Variants in OSMR observed in about 807,000 individuals in gnomAD.
OSMR encodes oncostatin-M-specific receptor subunit beta.
Under a neutral mutation model 99.9 loss-of-function variants are expected in OSMR, and 81 were observed. The ratio of observed to expected loss-of-function variants is 0.81; its 90% confidence interval spans 0.68 to 0.97. OSMR has a LOEUF of 0.97. Among genes scored for constraint, OSMR ranks in the 50% least tolerant of loss-of-function variants. OSMR has a pLI of 0.00. For synonymous variants in OSMR, 406 were observed against 410.4 expected (o/e 0.99, Z 0.13); for missense variants, 1,099 against 1,153.4 (o/e 0.95, Z 0.68).
chr5:38,881,914 G>C, intron 4 of OSMR, 150 bp downstream of exon 4: 4 of 691,302 alleles, frequency 5.8e-6, no homozygotes, highest in Non-Finnish European at 9.9e-6. Context: ...AAAAACACAG[G>C]TGTGAAACTT....
At chr5:38,883,578 G>T in intron 4 of OSMR, 1 of 373,164 alleles carries the variant, frequency 2.7e-6, no homozygotes, top group Non-Finnish European at 3.7e-6. Flanking sequence ...TATCAGAGTG[G>T]TAATAGTAAT....
chr5:38,907,274 G>A (rs1322357905), intron 9 of OSMR, among the ~76,000 whole-genome samples: 5 of 152,276 alleles, frequency 3.3e-5, no homozygotes, highest in South Asian at 2.1e-4. Flanking sequence ...TTGAACAGGC[G>A]GCCTGCCCCT....
chr5:38,943,575 A>T (rs1747838165), intron 1 of OSMR, among the ~76,000 whole-genome samples: 1 of 152,158 alleles, frequency 6.6e-6, no homozygotes, highest in South Asian at 2.1e-4. Flanking sequence ...GCACTTTGGG[A>T]GGCTGAGACA....
At chr5:38,898,378 T>C (rs187769075) in intron 7 of OSMR, among the ~76,000 whole-genome samples, 2 of 152,370 alleles carry the variant, frequency 1.3e-5, no homozygotes, top group Admixed American at 6.5e-5. Context: ...GTATAGGTTT[T>C]GTCTTGAAAT....
chr5:38,861,718 G>C (rs1270710), intron 1 of OSMR, among the ~76,000 whole-genome samples: 121,811 of 149,894 alleles, frequency 0.81, 49,652 homozygotes, highest in African/African-American at 0.89. Flanking sequence ...CCCTCACCTC[G>C]CGGACAGGGG....
intron 1 of OSMR, chr5:38,944,060 A>C: frequency 2.9e-6 from 1 of 347,608 alleles, no homozygotes; most frequent in South Asian, 2.4e-5. Context: ...TTAGAAATTA[A>C]AATTGAGAGA....
chr5:38,932,818 C>A, intron 17 of OSMR, 54 bp from the exon 18 acceptor site: 1 of 1,609,510 alleles, frequency 6.2e-7, no homozygotes, highest in Non-Finnish European at 8.5e-7. Flanking sequence ...TACTTTGATG[C>A]ATGCATGCAC....
chr5:38,846,504 TTTG>T lies in OSMR; in HGVS notation c.-14+121_-14+123del, dbSNP rs560635484. ...CTTTTTCTCAAATGATGGTGGAATG[TTTG>T]TTGAGTGGAAAATTCCCACTTGAAT... On this transcript the variant is annotated intron_variant, in intron 1 of 17. Transcript: ENST00000274276. 9.0e-4 allele frequency: 137 copies of T among 152,396 alleles called. 3 individuals are homozygous for T. Among genetic ancestry groups the T allele is most frequent in the African/African-American group, 3.2e-3 (132 of 41,582 alleles). 9.4% of individuals were successfully genotyped at this position (152,396 alleles called of 1,614,324 possible). A position where few individuals can be genotyped will look rare whatever the true frequency, so the allele number is the denominator to read the frequency against.
At position 38,884,130 on chromosome 5, in the gene OSMR, T is replaced by G; in HGVS notation, c.703+19T>G. 3.2e-6 allele frequency: 5 copies of G among 1,561,250 alleles called. No homozygotes were observed. Among genetic ancestry groups the G allele is most frequent in the Middle Eastern group, 1.7e-4 (1 of 5,970 alleles). ...GTCTCAAGTAAGTGTGCAAATTCTC[T>G]GTGGCCCTTTCTTCTCATTTCCTGA... On this transcript the variant is annotated intron_variant, in intron 5 of 17. Transcript: ENST00000274276.
intron 10 of OSMR, among the ~76,000 whole-genome samples, chr5:38,918,158 T>C (rs1746024626): frequency 6.6e-6 from 1 of 151,864 alleles, no homozygotes; most frequent in Non-Finnish European, 1.5e-5. Flanking sequence ...TTTTCACCTT[T>C]AGTTTGGCAC....
At chr5:38,945,545 C>T (rs752777927), downstream of OSMR, 57 of 1,613,934 alleles carry the variant, frequency 3.5e-5, no homozygotes, top group Non-Finnish European at 4.3e-5. Context: ...CCCAGAATTT[C>T]AATACAGACA....
chr5:38,876,490 A>T, intron 3 of OSMR, 117 bp downstream of exon 3: 3 of 774,910 alleles, frequency 3.9e-6, no homozygotes, highest in Non-Finnish European at 6.5e-6. Flanking sequence ...AGCTCAAAAC[A>T]GTTTGTCTAA....
intron 1 of OSMR, among the ~76,000 whole-genome samples, chr5:38,848,263 TG>T (rs1740045455): frequency 6.6e-6 from 1 of 151,932 alleles, no homozygotes; most frequent in South Asian, 2.1e-4. Context: ...ATGTGTAAAA[TG>T]GGGGGAAAAA....
intron 1 of OSMR, among the ~76,000 whole-genome samples, chr5:38,851,867 C>T (rs1357913780): frequency 2.0e-5 from 3 of 152,092 alleles, no homozygotes; most frequent in Admixed American, 6.6e-5. Context: ...ATAAGTCTCA[C>T]GAGATCTGAT....
At chr5:38,849,424 G>C (rs1425974616) in intron 1 of OSMR, among the ~76,000 whole-genome samples, 2 of 150,460 alleles carry the variant, frequency 1.3e-5, no homozygotes, top group East Asian at 1.9e-4. Context: ...TTTGTAAAAG[G>C]GTCTGTGTCA....
chr5:38,852,008 A>C (rs1012754880), intron 1 of OSMR, among the ~76,000 whole-genome samples: 4 of 152,182 alleles, frequency 2.6e-5, no homozygotes, highest in African/African-American at 9.7e-5. Context: ...GAGTCCATTA[A>C]ACCTCTTTCT....
rs1441777890 is a variant in OSMR at position 38,935,366 on chromosome 5, T to A, written c.*1922T>A. 1.3e-5 allele frequency: 2 copies of A among 152,184 alleles called. No individual in the cohort carries two copies. Among genetic ancestry groups the A allele is most frequent in the African/African-American group, 4.8e-5 (2 of 41,440 alleles). 9.4% of individuals were successfully genotyped at this position (152,184 alleles called of 1,614,324 possible). ...CAGTACTTGCCTTTTGCTGGAAACA[T>A]TGATTATGTGCTCCTCACGTAGTAG... On this transcript the variant is annotated 3_prime_UTR_variant, in exon 18 of 18. Coordinates refer to ENST00000274276, the MANE Select transcript of OSMR (RefSeq NM_003999.3).
intron 7 of OSMR, among the ~76,000 whole-genome samples, chr5:38,902,164 C>T (rs1403446015): frequency 6.6e-6 from 1 of 152,198 alleles, no homozygotes; most frequent in Non-Finnish European, 1.5e-5. Context: ...GTCCTATTCT[C>T]CACTCAGTAT....
intron 1 of OSMR, among the ~76,000 whole-genome samples, chr5:38,847,589 G>T (rs1049128179): frequency 6.6e-6 from 1 of 152,098 alleles, no homozygotes; most frequent in African/African-American, 2.4e-5. Flanking sequence ...CCCAAACTCC[G>T]CTGTGTCTGA....
Sources: gnomAD v4.1 joint callset for allele counts (sites outside exome capture counted in the v4.1 genomes callset) on GRCh38, gnomAD v4.1.1 for gene constraint, MANE v1.5 for transcripts, NCBI Gene and HGNC (gene_info 2026-07-23, HGNC 2026-07-21) for gene names.